The following SGCZ variants were observed in gnomAD, a reference collection of about 807,000 sequenced individuals.
SGCZ encodes the protein sarcoglycan zeta, also known as zeta-sarcoglycan.
A neutral mutation model predicts 41.3 loss-of-function variants in SGCZ; 40 were observed. The ratio of observed to expected loss-of-function variants is 0.97; its 90% CI spans 0.75 to 1.26. The LOEUF (loss-of-function observed/expected upper bound fraction) is 1.26, where lower values mean the gene tolerates loss of function less well. Ranked by LOEUF, SGCZ falls within the 50% of genes most tolerant of loss-of-function variation. The pLI is 0.00. For synonymous variants in SGCZ, 206 were observed against 137.5 expected, an observed-to-expected ratio of 1.50 and a Z score of -3.49; for missense variants, 552 against 369.8, an observed-to-expected ratio of 1.49 and a Z score of -4.04.
intron 1 of SGCZ, among the ~76,000 whole-genome samples, chr8:14,689,707 C>T (rs1250197719): frequency 1.3e-5 from 2 of 152,128 alleles, no homozygotes; most frequent in African/African-American, 2.4e-5. Flanking sequence ...GCTGCACCTG[C>T]TCTTATTTGT....
At chr8:15,089,991 A>G (rs934766754) in intron 1 of SGCZ, among the ~76,000 whole-genome samples, 5 of 152,226 alleles carry the variant, frequency 3.3e-5, no homozygotes, top group African/African-American at 1.2e-4. Flanking sequence ...ATCTAAATTC[A>G]AAGTCTGTGG....
intron 7 of SGCZ, among the ~76,000 whole-genome samples, chr8:14,098,111 CAAAT>C (rs1424479710): frequency 1.3e-5 from 2 of 151,968 alleles, no homozygotes; most frequent in Non-Finnish European, 2.9e-5. Flanking sequence ...CTACATAACA[CAAAT>C]AGTTATTCAG....
intron 1 of SGCZ, among the ~76,000 whole-genome samples, chr8:14,976,235 A>T (rs1801474850): frequency 6.6e-6 from 1 of 151,622 alleles, no homozygotes; most frequent in Admixed American, 6.6e-5. Flanking sequence ...GTTGGCCAGG[A>T]TGGTTTCAAA....
chr8:14,503,969 G>C (rs1802230831), intron 2 of SGCZ, among the ~76,000 whole-genome samples: 1 of 152,144 alleles, frequency 6.6e-6, no homozygotes, highest in Non-Finnish European at 1.5e-5. Context: ...GGGAAGAACA[G>C]TGTAAAAATT....
At chr8:14,143,933 A>G (rs889231745) in intron 5 of SGCZ, among the ~76,000 whole-genome samples, 4 of 152,218 alleles carry the variant, frequency 2.6e-5, no homozygotes, top group African/African-American at 4.8e-5. Flanking sequence ...ATGCCCATCC[A>G]CAGGGGAAAC....
At chr8:14,595,004 T>C (rs1320257093) in intron 1 of SGCZ, among the ~76,000 whole-genome samples, 2 of 151,934 alleles carry the variant, frequency 1.3e-5, no homozygotes, top group African/African-American at 4.9e-5. Context: ...ATATTTTATA[T>C]TTTTTTCTGT....
intron 1 of SGCZ, among the ~76,000 whole-genome samples, chr8:14,767,806 C>T (rs1406733919): frequency 6.6e-6 from 1 of 152,166 alleles, no homozygotes; most frequent in East Asian, 1.9e-4. Context: ...GTGAAAACCA[C>T]TAAAGACTTC....
intron 5 of SGCZ, among the ~76,000 whole-genome samples, chr8:14,130,794 A>C (rs895585804): frequency 3.3e-5 from 5 of 152,308 alleles, no homozygotes; most frequent in African/African-American, 1.2e-4. Flanking sequence ...CCTGGAAGGC[A>C]GGTATGTTTT....
chr8:14,448,555 G>A (rs751145076), intron 2 of SGCZ, among the ~76,000 whole-genome samples: 1 of 152,064 alleles, frequency 6.6e-6, no homozygotes, highest in Non-Finnish European at 1.5e-5. Flanking sequence ...TCATCTATTT[G>A]GGAAAAACCT....
chr8:15,237,894 A>T lies in SGCZ; in HGVS notation c.-271T>A. 1.8e-5 allele frequency: 6 copies of T among 341,962 alleles called. No homozygotes were observed. The highest frequency in any genetic ancestry group is 4.3e-5 in the East Asian group (1 of 23,240). The allele number at this position is 341,962 out of a possible 1,614,324, so 21.2% of individuals were successfully genotyped here. On this transcript the variant is annotated 5_prime_UTR_variant, in exon 1 of 8. Transcript: ENST00000382080. ...GCAACACAGCTGAGTCGATTGAAACAGGGGCCAAAAGAAAAAAGGAAAAAA... is the reference window on the plus strand; with the variant it reads ...GCAACACAGCTGAGTCGATTGAAACTGGGGCCAAAAGAAAAAAGGAAAAAA...
In SGCZ at chr8:14,550,545, T is replaced by A. The variant is rs142263163; in HGVS notation, c.234+4187A>T. On this transcript the variant is annotated intron_variant, in intron 2 of 7. Transcript: ENST00000382080. The stretch of plus-strand genomic sequence containing the variant: ...CAGTGATGACAGCTGGCTGTACTAC[T>A]GCTATGTGTGGGGTCTAAATGCAGG... Among the ~76,000 whole-genome samples, 18 of 152,106 alleles carry A rather than the reference T, an allele frequency of 1.2e-4. 1 individual carries two copies. The East Asian group carries it at 3.5e-3, about 29-fold the overall frequency.
intron 1 of SGCZ, among the ~76,000 whole-genome samples, chr8:14,743,122 T>G (rs1161717609): frequency 2.0e-5 from 3 of 152,076 alleles, no homozygotes; most frequent in Non-Finnish European, 4.4e-5. Context: ...TAAGAATAAA[T>G]TTTTCTAAAT....
In SGCZ at chr8:14,699,706, C is replaced by T. The variant is rs191863054; in HGVS notation, c.40-144780G>A. Among the ~76,000 whole-genome samples, 393 of 151,986 alleles carry T rather than the reference C, an allele frequency of 2.6e-3. 3 individuals carry two copies. Among genetic ancestry groups the T allele is most frequent in the African/African-American group, 7.6e-3 (315 of 41,498 alleles). ...CCTACAGAATGGGAATACATCTTCACAAACTGTGCATCCAACAAAGGTCTA... is the reference window on the plus strand; with the variant it reads ...CCTACAGAATGGGAATACATCTTCATAAACTGTGCATCCAACAAAGGTCTA... On this transcript the variant is annotated intron_variant, in intron 1 of 7. Coordinates refer to ENST00000382080, the MANE Select transcript of SGCZ (RefSeq NM_139167.4).
chr8:14,628,350 TC>T (rs11349040), intron 1 of SGCZ, among the ~76,000 whole-genome samples: 50,689 of 151,800 alleles, frequency 0.33, 8,763 homozygotes, highest in East Asian at 0.63. Context: ...GCTGATAACC[TC>T]CCTCTAATCG....
chr8:15,208,057 T>G (rs1801126332), intron 1 of SGCZ, among the ~76,000 whole-genome samples: 1 of 152,224 alleles, frequency 6.6e-6, no homozygotes, highest in Admixed American at 6.5e-5. Flanking sequence ...TTTATGTGTC[T>G]ACTAAATATT....
intron 1 of SGCZ, among the ~76,000 whole-genome samples, chr8:15,062,112 C>T (rs1317554257): frequency 6.6e-6 from 1 of 152,158 alleles, no homozygotes; most frequent in Admixed American, 6.5e-5. Flanking sequence ...TGTAACCTCT[C>T]CCTAAACATC....
chr8:14,960,561 T>C (rs1800931799), intron 1 of SGCZ, among the ~76,000 whole-genome samples: 1 of 152,138 alleles, frequency 6.6e-6, no homozygotes, highest in African/African-American at 2.4e-5. Context: ...ATCAGCTTCA[T>C]CTTTTCTTGA....
chr8:14,802,403 TAC>T (rs1563279769), intron 1 of SGCZ, among the ~76,000 whole-genome samples: 1 of 152,234 alleles, frequency 6.6e-6, no homozygotes, highest in African/African-American at 2.4e-5. Context: ...TTGGTGACAT[TAC>T]ACTTTAATTC....
chr8:14,607,035 A>T (rs1012782019), intron 1 of SGCZ, among the ~76,000 whole-genome samples: 9 of 152,136 alleles, frequency 5.9e-5, no homozygotes, highest in Non-Finnish European at 1.2e-4. Context: ...AAATGAGAAA[A>T]TCACTGATCC....
Sources: gnomAD v4.1 joint callset for allele counts (sites outside exome capture counted in the v4.1 genomes callset) on GRCh38, gnomAD v4.1.1 for gene constraint, MANE v1.5 for transcripts, NCBI Gene and HGNC (gene_info 2026-07-23, HGNC 2026-07-21) for gene names.